Variants in MSRA observed in about 807,000 individuals in gnomAD.
MSRA encodes the protein mitochondrial peptide methionine sulfoxide reductase.
A neutral mutation model predicts 31.3 loss-of-function variants in MSRA; 54 were observed. That is an observed-to-expected ratio of 1.73 (90% CI 1.39 to 2.17). The LOEUF (loss-of-function observed/expected upper bound fraction) is 2.17, where lower values mean the gene tolerates loss of function less well. Among genes scored for constraint, MSRA ranks in the 30% most tolerant of loss-of-function variants. MSRA has a pLI of 0.00. For synonymous variants in MSRA, 169 were observed against 116.5 expected (o/e 1.45, Z -2.90); for missense variants, 507 against 300.9 (o/e 1.69, Z -5.07).
At chr8:10,125,859 C>A (rs17151147) in intron 1 of MSRA, among the ~76,000 whole-genome samples, 32,744 of 152,182 alleles carry the variant, frequency 0.22, 4,074 homozygotes, top group East Asian at 0.38. Context: ...CACAACAATG[C>A]GTCATCCTTT....
chr8:10,088,953 G>A (rs886841558), intron 1 of MSRA, among the ~76,000 whole-genome samples: 2 of 152,224 alleles, frequency 1.3e-5, no homozygotes, highest in African/African-American at 4.8e-5. Context: ...TAATACACAC[G>A]TAGAGAATAA....
At chr8:10,294,643 T>C (rs1021743429) in intron 3 of MSRA, among the ~76,000 whole-genome samples, 1 of 152,126 alleles carries the variant, frequency 6.6e-6, no homozygotes, top group Admixed American at 6.5e-5. Context: ...CTGACTGCAA[T>C]GTGGCAGTCT....
intron 5 of MSRA, among the ~76,000 whole-genome samples, chr8:10,390,307 A>C (rs1806660846): frequency 6.6e-6 from 1 of 152,294 alleles, no homozygotes; most frequent in Non-Finnish European, 1.5e-5. Flanking sequence ...TTCCTGTGCG[A>C]AATGGGCAGC....
At chr8:10,315,535 T>C (rs866949192) in intron 4 of MSRA, among the ~76,000 whole-genome samples, 3 of 152,366 alleles carry the variant, frequency 2.0e-5, no homozygotes, top group Middle Eastern at 3.4e-3. Flanking sequence ...TTATGTCTTA[T>C]GTACTTTTCT....
intron 1 of MSRA, among the ~76,000 whole-genome samples, chr8:10,202,768 A>G (rs1308879439): frequency 4.6e-5 from 7 of 152,258 alleles, no homozygotes; most frequent in African/African-American, 1.7e-4. Flanking sequence ...TGTACTGGAC[A>G]CTGTTCTGAG....
intron 1 of MSRA, among the ~76,000 whole-genome samples, chr8:10,072,102 TG>T (rs1797763886): frequency 1.3e-5 from 2 of 151,826 alleles, no homozygotes; most frequent in African/African-American, 4.8e-5. Context: ...CCAGGTGCCA[TG>T]TGACACACAC....
chr8:10,406,334 G>T (rs1183220633), intron 5 of MSRA, among the ~76,000 whole-genome samples: 2 of 152,214 alleles, frequency 1.3e-5, no homozygotes, highest in Non-Finnish European at 2.9e-5. Flanking sequence ...GAGGCTATTT[G>T]CTTCTTGAAG....
chr8:10,343,866 C>T lies in MSRA; in HGVS notation c.543+23877C>T, dbSNP rs541352969. Among the ~76,000 whole-genome samples, 12 of 152,290 alleles carry T rather than the reference C, an allele frequency of 7.9e-5. 1 individual carries two copies. The highest frequency in any genetic ancestry group is 5.2e-4 in the Admixed American group (8 of 15,304). On this transcript the variant is annotated intron_variant, in intron 5 of 5. Coordinates refer to ENST00000317173, the MANE Select transcript of MSRA (RefSeq NM_012331.5). ...CTACCCAAACAAAGAAAATAATCAG[C>T]ACTCCGTATGCTACCTCAGATCCTG...
At chr8:10,167,953 G>A (rs1179819690) in intron 1 of MSRA, among the ~76,000 whole-genome samples, 2 of 152,180 alleles carry the variant, frequency 1.3e-5, no homozygotes, top group Admixed American at 6.5e-5. Context: ...TGGGTGGCCA[G>A]GAATGGAGAA....
chr8:10,082,456 G>A (rs555967862), intron 1 of MSRA, among the ~76,000 whole-genome samples: 4 of 152,050 alleles, frequency 2.6e-5, no homozygotes, highest in South Asian at 2.1e-4. Context: ...CCTTCCTTTC[G>A]CCCTCCTAAG....
intron 5 of MSRA, among the ~76,000 whole-genome samples, chr8:10,390,001 C>T (rs1358928844): frequency 6.6e-6 from 1 of 151,696 alleles, no homozygotes; most frequent in Non-Finnish European, 1.5e-5. Context: ...CTGCAGGTAC[C>T]AGGTCAGACT....
At chr8:10,305,093 G>C (rs573817965) in intron 4 of MSRA, among the ~76,000 whole-genome samples, 1 of 152,286 alleles carries the variant, frequency 6.6e-6, no homozygotes, top group East Asian at 1.9e-4. Context: ...AAAGATTTTA[G>C]TACCTTTTTG....
At chr8:10,290,951 G>A (rs1272568523) in intron 3 of MSRA, among the ~76,000 whole-genome samples, 3 of 152,148 alleles carry the variant, frequency 2.0e-5, no homozygotes, top group Admixed American at 6.5e-5. Flanking sequence ...AATGGGCACA[G>A]GTCCTTTTGT....
intron 5 of MSRA, among the ~76,000 whole-genome samples, chr8:10,383,570 GTTGACGGTGAGT>G (rs57777419): frequency 0.48 from 72,624 of 151,594 alleles, 17,702 homozygotes; most frequent in Non-Finnish European, 0.53. Context: ...GTGGTTTCAG[GTTGACGGTGAGT>G]TTGACATTTG....
chr8:10,376,808 T>C (rs558323516), intron 5 of MSRA, among the ~76,000 whole-genome samples: 3 of 152,316 alleles, frequency 2.0e-5, no homozygotes, highest in East Asian at 3.9e-4. Flanking sequence ...TTTGGTTTCA[T>C]AAAGAGATTT....
chr8:10,111,627 G>T (rs893629968), intron 1 of MSRA, among the ~76,000 whole-genome samples: 2 of 152,240 alleles, frequency 1.3e-5, no homozygotes. Flanking sequence ...GAATGCCTAG[G>T]TATTTTGAGA....
chr8:10,110,221 A>G (rs767713590), intron 1 of MSRA, among the ~76,000 whole-genome samples: 5 of 151,742 alleles, frequency 3.3e-5, no homozygotes, highest in Non-Finnish European at 7.4e-5. Context: ...GTTTGAAACA[A>G]GAAAGGTTTG....
chr8:10,282,947 T>G (rs1799701158), intron 3 of MSRA, among the ~76,000 whole-genome samples: 1 of 152,036 alleles, frequency 6.6e-6, no homozygotes, highest in African/African-American at 2.4e-5. Context: ...CCCCCCAAAT[T>G]TAGAGACCAG....
At chr8:10,277,919 CTT>C (rs1015217960) in intron 3 of MSRA, among the ~76,000 whole-genome samples, 1 of 152,110 alleles carries the variant, frequency 6.6e-6, no homozygotes, top group African/African-American at 2.4e-5. Context: ...AAAAACAACT[CTT>C]TACATAGGCA....
Sources: allele counts gnomAD v4.1 joint callset (sites outside exome capture counted in the v4.1 genomes callset), GRCh38; gene constraint gnomAD v4.1.1; transcripts MANE v1.5; gene names NCBI Gene and HGNC (gene_info 2026-07-23, HGNC 2026-07-21).